The following SLC2A13 variants were observed in gnomAD, a reference collection of about 807,000 sequenced individuals.
SLC2A13 encodes the protein solute carrier family 2 member 13, also known as proton myo-inositol cotransporter.
SLC2A13 carries 32 observed loss-of-function variants against 64.4 expected under a neutral mutation model. The ratio of observed to expected loss-of-function variants is 0.50; its 90% CI spans 0.37 to 0.67. SLC2A13 has a LOEUF of 0.67. Among genes scored for constraint, SLC2A13 ranks in the 30% least tolerant of loss-of-function variants. The pLI, the probability that SLC2A13 is intolerant of heterozygous loss-of-function variation, is 0.00. For missense variants in SLC2A13, 743 were observed against 829.2 expected (o/e 0.90, Z 1.28); for synonymous variants, 338 against 327.1 (o/e 1.03, Z -0.36).
Position 39,918,205 on chromosome 12 carries a change from G to T in SLC2A13, c.1034+33052C>A, listed in dbSNP as rs761622397. On this transcript the variant is annotated intron_variant, in intron 4 of 9. Transcript: ENST00000280871. Reference sequence around the variant, plus strand: ...AGGGATGTTCACACAGTCTGTAATTGTTGGTATTCACACCCAGAGGGTTAC... The same window carrying T: ...AGGGATGTTCACACAGTCTGTAATTTTTGGTATTCACACCCAGAGGGTTAC... Among the ~76,000 whole-genome samples the T allele has an allele frequency of 2.0e-5, 3 of 152,066 alleles. No homozygotes were observed. The South Asian group carries it at 6.2e-4, about 32-fold the overall frequency.
chr12:39,825,721 A>C (rs906845446), intron 7 of SLC2A13, among the ~76,000 whole-genome samples: 2 of 151,974 alleles, frequency 1.3e-5, no homozygotes, highest in African/African-American at 2.4e-5. Context: ...CTTGATTAGT[A>C]TTGCAAGAGG....
At chr12:39,903,777 T>G (rs1256854629) in intron 4 of SLC2A13, among the ~76,000 whole-genome samples, 3 of 152,126 alleles carry the variant, frequency 2.0e-5, no homozygotes. Context: ...TGTTCAGTTA[T>G]GAGAATCAAA....
At chr12:39,858,138 G>A (rs990986427) in intron 6 of SLC2A13, among the ~76,000 whole-genome samples, 1 of 152,180 alleles carries the variant, frequency 6.6e-6, no homozygotes, top group Non-Finnish European at 1.5e-5. Context: ...ATGACAGGTG[G>A]ACAGAATCCT....
chr12:40,085,128 C>T (rs1409091758), intron 1 of SLC2A13, among the ~76,000 whole-genome samples: 3 of 152,174 alleles, frequency 2.0e-5, no homozygotes, highest in Non-Finnish European at 4.4e-5. Context: ...AAAAACTCAT[C>T]CATGTACCAA....
At chr12:39,907,665 T>C (rs1163899996) in intron 4 of SLC2A13, 2 of 152,148 alleles carry the variant, frequency 1.3e-5, no homozygotes, top group Non-Finnish European at 2.9e-5. Context: ...ACTTTGGAAA[T>C]AGAATGAGGT....
chr12:39,977,282 A>C (rs1252558348), intron 3 of SLC2A13, among the ~76,000 whole-genome samples: 1 of 152,246 alleles, frequency 6.6e-6, no homozygotes, highest in Non-Finnish European at 1.5e-5. Flanking sequence ...GTGAGTGGTA[A>C]GGTCAATGTT....
intron 4 of SLC2A13, among the ~76,000 whole-genome samples, chr12:39,900,458 T>C (rs1245532736): frequency 1.3e-5 from 2 of 151,832 alleles, no homozygotes; most frequent in East Asian, 3.9e-4. Context: ...CAGCCCAAAA[T>C]CTCCTTAAGC....
chr12:39,902,477 C>A (rs911055594), intron 4 of SLC2A13, among the ~76,000 whole-genome samples: 8 of 152,044 alleles, frequency 5.3e-5, no homozygotes, highest in Non-Finnish European at 1.2e-4. Context: ...GTTCATACTT[C>A]TTGTAATAAA....
At chr12:39,975,207 T>C (rs1946739110) in intron 3 of SLC2A13, among the ~76,000 whole-genome samples, 1 of 152,172 alleles carries the variant, frequency 6.6e-6, no homozygotes. Flanking sequence ...ATACTTACTT[T>C]CTGTTAAATC....
intron 4 of SLC2A13, among the ~76,000 whole-genome samples, chr12:39,887,969 C>T (rs545349742): frequency 7.9e-5 from 12 of 152,278 alleles, no homozygotes; most frequent in South Asian, 2.1e-4. Context: ...GCCCCTGCTT[C>T]GTATCCCACA....
chr12:39,868,755 T>C (rs1943969978), intron 5 of SLC2A13, among the ~76,000 whole-genome samples: 1 of 152,178 alleles, frequency 6.6e-6, no homozygotes, highest in African/African-American at 2.4e-5. Flanking sequence ...AAATTTGTAA[T>C]ATTTACCAGA....
chr12:39,789,026 T>C (rs907635612), intron 7 of SLC2A13, among the ~76,000 whole-genome samples: 50 of 152,286 alleles, frequency 3.3e-4, no homozygotes, highest in African/African-American at 1.2e-3. Flanking sequence ...AAGTCTGTTA[T>C]ACATACAAAG....
intron 7 of SLC2A13, among the ~76,000 whole-genome samples, chr12:39,815,012 A>G (rs1942302063): frequency 6.6e-6 from 1 of 151,868 alleles, no homozygotes; most frequent in African/African-American, 2.4e-5. Context: ...CAGTGATCTT[A>G]GATGGTAAGC....
At chr12:39,814,336 T>C (rs1312646078) in intron 7 of SLC2A13, among the ~76,000 whole-genome samples, 6 of 152,202 alleles carry the variant, frequency 3.9e-5, no homozygotes, top group African/African-American at 1.4e-4. Context: ...TTCCTCTTTG[T>C]ACTGTTTTTA....
At chr12:40,094,665 A>G (rs1337822636) in intron 1 of SLC2A13, among the ~76,000 whole-genome samples, 8 of 152,150 alleles carry the variant, frequency 5.3e-5, no homozygotes, top group Non-Finnish European at 1.2e-4. Flanking sequence ...AAAAAAAGGG[A>G]AGAGAGGAAC....
intron 7 of SLC2A13, among the ~76,000 whole-genome samples, chr12:39,787,175 C>T (rs1463686722): frequency 6.6e-6 from 1 of 152,112 alleles, no homozygotes; most frequent in East Asian, 1.9e-4. Flanking sequence ...ACACACAAGC[C>T]TTGCAGTGTA....
chr12:39,797,274 G>A (rs1941607589), intron 7 of SLC2A13, among the ~76,000 whole-genome samples: 1 of 152,182 alleles, frequency 6.6e-6, no homozygotes, highest in Admixed American at 6.5e-5. Context: ...TGTTTGCAAT[G>A]TAATTATCTT....
chr12:39,980,884 C>T (rs977190360), intron 3 of SLC2A13, among the ~76,000 whole-genome samples: 219 of 151,736 alleles, frequency 1.4e-3, no homozygotes, highest in Non-Finnish European at 2.0e-3. Context: ...TTTTTCAGCA[C>T]CACACCACAC....
intron 4 of SLC2A13, among the ~76,000 whole-genome samples, chr12:39,935,567 C>A (rs1463547325): frequency 6.6e-6 from 1 of 152,128 alleles, no homozygotes; most frequent in Non-Finnish European, 1.5e-5. Context: ...TGCAAGGGGG[C>A]ATTTTTAGTA....
Sources: gnomAD v4.1 joint callset for allele counts (sites outside exome capture counted in the v4.1 genomes callset) on GRCh38, gnomAD v4.1.1 for gene constraint, MANE v1.5 for transcripts, NCBI Gene and HGNC (gene_info 2026-07-23, HGNC 2026-07-21) for gene names.